The following PDE7B variants were observed in gnomAD, a reference collection of about 807,000 sequenced individuals.
PDE7B encodes phosphodiesterase 7B, also known as 3',5'-cyclic-AMP phosphodiesterase 7B.
In PDE7B, 29 loss-of-function variants were observed where a neutral mutation model predicts 56.2. The observed-to-expected ratio is 0.52, with a 90% confidence interval of 0.38 to 0.70. PDE7B has a LOEUF of 0.70. Ranked by LOEUF, PDE7B falls within the 30% of genes least tolerant of loss-of-function variation. The pLI is 0.00. For synonymous variants in PDE7B, 197 were observed against 196.9 expected (o/e 1.00, Z 0.00); for missense variants, 490 against 565.0 (o/e 0.87, Z 1.35).
At chr6:136,092,622 G>A (rs773899984) in intron 2 of PDE7B, among the ~76,000 whole-genome samples, 18 of 152,090 alleles carry the variant, frequency 1.2e-4, no homozygotes, top group Admixed American at 3.3e-4. Context: ...TTAGCTGGGC[G>A]TGGTGGTGGG....
At chr6:136,177,315 ATAAAAT>A (rs1778993752) in intron 9 of PDE7B, among the ~76,000 whole-genome samples, 1 of 152,116 alleles carries the variant, frequency 6.6e-6, no homozygotes, top group East Asian at 1.9e-4. Context: ...AAATTTAAAA[ATAAAAT>A]TAAAATGATA....
intron 2 of PDE7B, among the ~76,000 whole-genome samples, chr6:136,081,862 C>A (rs566543295): frequency 1.3e-5 from 2 of 152,226 alleles, no homozygotes; most frequent in Admixed American, 6.5e-5. Flanking sequence ...TGTTTGTTTG[C>A]TTACACCTGG....
chr6:136,058,101 T>A (rs1054494571), intron 2 of PDE7B, among the ~76,000 whole-genome samples: 1 of 152,204 alleles, frequency 6.6e-6, no homozygotes, highest in Non-Finnish European at 1.5e-5. Context: ...TTCCAACCAC[T>A]GCTTTTTAGG....
intron 8 of PDE7B, among the ~76,000 whole-genome samples, chr6:136,172,725 A>G (rs1778910763): frequency 6.6e-6 from 1 of 152,024 alleles, no homozygotes; most frequent in African/African-American, 2.4e-5. Context: ...TATGTCCTGA[A>G]TGGTATTGCC....
chr6:135,855,626 C>T (rs1166221906), intron 1 of PDE7B, among the ~76,000 whole-genome samples: 2 of 152,126 alleles, frequency 1.3e-5, no homozygotes, highest in African/African-American at 4.8e-5. Context: ...AAAATTTTCC[C>T]ATAGGTTGAT....
intron 3 of PDE7B, among the ~76,000 whole-genome samples, chr6:136,127,575 C>T (rs550105965): frequency 9.2e-5 from 14 of 152,154 alleles, no homozygotes; most frequent in Admixed American, 3.3e-4. Flanking sequence ...TCTCTTTTGG[C>T]TTAAAGTTGG....
At chr6:136,151,364 C>A in intron 6 of PDE7B, 109 bp downstream of exon 6, 2 of 588,736 alleles carry the variant, frequency 3.4e-6, no homozygotes, top group Non-Finnish European at 3.1e-6. Context: ...TGCATACCTC[C>A]AATTAATCTT....
intron 2 of PDE7B, among the ~76,000 whole-genome samples, chr6:135,965,663 T>C (rs1350922704): frequency 1.3e-5 from 2 of 152,214 alleles, no homozygotes; most frequent in Middle Eastern, 3.4e-3. Context: ...TTCACTATTA[T>C]GAGAACAGCA....
At chr6:136,078,314 G>T (rs950282201) in intron 2 of PDE7B, among the ~76,000 whole-genome samples, 7 of 152,098 alleles carry the variant, frequency 4.6e-5, no homozygotes, top group Non-Finnish European at 8.8e-5. Context: ...CGTATTCTTG[G>T]AGTGACTTTC....
In PDE7B at chr6:136,028,229, C is replaced by G. The variant is rs971403300; in HGVS notation, c.83-80502C>G. 1.6e-4 allele frequency among the ~76,000 whole-genome samples: 25 copies of G among 152,134 alleles called. 1 individual carries two copies. Among genetic ancestry groups the G allele is most frequent in the Non-Finnish European group, 5.9e-5 (4 of 68,030 alleles). ...AATCCAAAATAAAGACAGGCCAGAG[C>G]ATCAAAGGCAAGTAGTGACGTAAGT... is the stretch of plus-strand genomic sequence containing the variant. On this transcript the variant is annotated intron_variant, in intron 2 of 12. Transcript: ENST00000308191.
rs955470159 is a variant in PDE7B at position 135,954,314 on chromosome 6, G to A, written c.82+6790G>A. ...AACTCACTATTTGCTGAATGGATAC[G>A]TGCTGATGTGTTTGTGAGAACAGCA... On this transcript the variant is annotated intron_variant, in intron 2 of 12. Coordinates refer to ENST00000308191, the MANE Select transcript of PDE7B (RefSeq NM_018945.4). Among the ~76,000 whole-genome samples, 29 of 152,068 alleles carry A rather than the reference G, an allele frequency of 1.9e-4. 1 individual carries two copies. Among genetic ancestry groups the A allele is most frequent in the African/African-American group, 6.0e-4 (25 of 41,408 alleles).
At chr6:135,884,952 T>A (rs901272593) in intron 1 of PDE7B, among the ~76,000 whole-genome samples, 1 of 152,168 alleles carries the variant, frequency 6.6e-6, no homozygotes, top group African/African-American at 2.4e-5. Context: ...ATTAAACGTC[T>A]GCTCTAAGAT....
chr6:136,056,215 G>A (rs550862703), intron 2 of PDE7B, among the ~76,000 whole-genome samples: 30 of 152,256 alleles, frequency 2.0e-4, no homozygotes, highest in African/African-American at 6.5e-4. Flanking sequence ...GTTGCTATAC[G>A]TCTTCAGTCT....
At chr6:136,182,845 A>T (rs1264681499) in intron 11 of PDE7B, among the ~76,000 whole-genome samples, 1 of 152,032 alleles carries the variant, frequency 6.6e-6, no homozygotes, top group Non-Finnish European at 1.5e-5. Flanking sequence ...AGGCTTAGGC[A>T]GGTGGATCAC....
At chr6:136,098,851 G>A (rs535192715) in intron 2 of PDE7B, among the ~76,000 whole-genome samples, 124 of 151,426 alleles carry the variant, frequency 8.2e-4, no homozygotes, top group African/African-American at 2.8e-3. Context: ...AGTTATACAC[G>A]TACCATGTTG....
intron 2 of PDE7B, among the ~76,000 whole-genome samples, chr6:136,085,023 T>G (rs1777268547): frequency 6.6e-6 from 1 of 152,174 alleles, no homozygotes; most frequent in Admixed American, 6.5e-5. Context: ...GGCTGGCCCC[T>G]GGGGCATCTG....
At chr6:135,917,953 C>T (rs1773988864) in intron 1 of PDE7B, among the ~76,000 whole-genome samples, 3 of 152,204 alleles carry the variant, frequency 2.0e-5, no homozygotes, top group Admixed American at 2.0e-4. Flanking sequence ...TCTTTGTGGC[C>T]CTGGCATCTT....
rs865906933 is a variant in PDE7B, at chr6:135,869,344, T to C, written c.21+17325T>C. Among the ~76,000 whole-genome samples, 10 of 152,272 alleles carry C rather than the reference T, an allele frequency of 6.6e-5. No individual in the cohort carries two copies. The South Asian group carries it at 1.9e-3, about 28-fold the overall frequency. On this transcript the variant is annotated intron_variant, in intron 1 of 12. Coordinates refer to ENST00000308191, the MANE Select transcript of PDE7B (RefSeq NM_018945.4). ...TATGAAGTCTTGAGAAAAATTCTGA[T>C]TCCTGCTTAAATCTCTCAAATAATC...
At position 135,870,114 on chromosome 6, in the gene PDE7B, GC is replaced by G. The variant is rs531422466; in HGVS notation, c.21+18096del. Among the ~76,000 whole-genome samples, 122 of 152,338 alleles carry G rather than the reference GC, an allele frequency of 8.0e-4. 3 individuals are homozygous for G. In the South Asian group the frequency reaches 0.025, roughly 31 times the overall value. On this transcript the variant is annotated intron_variant, in intron 1 of 12. Coordinates refer to ENST00000308191, the MANE Select transcript of PDE7B (RefSeq NM_018945.4). Reference sequence around the variant, plus strand: ...TAGGCTAGGGACGACATCATAAGCAGCTGGTGGGTGTTGTAGGCAAGATGGG... The same window carrying G: ...TAGGCTAGGGACGACATCATAAGCAGTGGTGGGTGTTGTAGGCAAGATGGG...
Sources: allele counts gnomAD v4.1 joint callset (sites outside exome capture counted in the v4.1 genomes callset), GRCh38; gene constraint gnomAD v4.1.1; transcripts MANE v1.5; gene names NCBI Gene and HGNC (gene_info 2026-07-23, HGNC 2026-07-21).